PDE4D: variants seen among roughly 807,000 people sequenced by gnomAD.
PDE4D encodes the protein phosphodiesterase 4D.
In PDE4D, 24 loss-of-function variants were observed where a neutral mutation model predicts 87.4. That is an observed-to-expected ratio of 0.27 (90% CI 0.20 to 0.39). The LOEUF (loss-of-function observed/expected upper bound fraction) is 0.39, where lower values mean the gene tolerates loss of function less well. Ranked by LOEUF, PDE4D falls within the 10% of genes least tolerant of loss-of-function variation. The pLI is 1.00. For synonymous variants in PDE4D, 384 were observed against 383.2 expected, an observed-to-expected ratio of 1.00 and a Z score of -0.02; for missense variants, 714 against 1,041.0, an observed-to-expected ratio of 0.69 and a Z score of 4.32.
intron 1 of PDE4D, among the ~76,000 whole-genome samples, chr5:59,444,566 A>G (rs897802240): frequency 6.6e-6 from 1 of 152,134 alleles, no homozygotes; most frequent in Admixed American, 6.5e-5. Flanking sequence ...TAATCTCAGC[A>G]CTTTGGGAGG....
At chr5:60,154,242 T>G (rs1413315735) in intron 2 of PDE4D, among the ~76,000 whole-genome samples, 1 of 151,946 alleles carries the variant, frequency 6.6e-6, no homozygotes, top group Non-Finnish European at 1.5e-5. Context: ...TACCAGGATT[T>G]GGTAAGTTAA....
At chr5:60,401,340 C>G (rs192165922) in intron 1 of PDE4D, among the ~76,000 whole-genome samples, 29 of 152,288 alleles carry the variant, frequency 1.9e-4, no homozygotes, top group African/African-American at 6.0e-4. Flanking sequence ...ATATATAACA[C>G]ACTTCACAAT....
chr5:59,167,490 G>A (rs1444275250), intron 5 of PDE4D, among the ~76,000 whole-genome samples: 1 of 152,116 alleles, frequency 6.6e-6, no homozygotes, highest in African/African-American at 2.4e-5. Context: ...TTTGAAACAT[G>A]TCTTCTTTTA....
At chr5:58,990,929 T>A in intron 8 of PDE4D, 27 bp from the exon 9 acceptor site, 1 of 1,196,712 alleles carries the variant, frequency 8.4e-7, no homozygotes, top group Non-Finnish European at 1.2e-6. Flanking sequence ...AAAAAGATAC[T>A]AAAATATTAG....
At chr5:59,738,227 G>C (rs1168384699) in intron 1 of PDE4D, among the ~76,000 whole-genome samples, 3 of 152,076 alleles carry the variant, frequency 2.0e-5, no homozygotes, top group Non-Finnish European at 2.9e-5. Context: ...AGCAACACAT[G>C]CAACAGCATA....
chr5:59,692,166 A>C (rs1449043140), intron 1 of PDE4D, among the ~76,000 whole-genome samples: 1 of 152,170 alleles, frequency 6.6e-6, no homozygotes, highest in Non-Finnish European at 1.5e-5. Flanking sequence ...TCCATTTTTG[A>C]ATTGATAGTG....
At chr5:60,164,553 G>A (rs866175371) in intron 2 of PDE4D, among the ~76,000 whole-genome samples, 1 of 152,012 alleles carries the variant, frequency 6.6e-6, no homozygotes, top group Non-Finnish European at 1.5e-5. Flanking sequence ...AAATATATGC[G>A]GCTGAATATC....
At chr5:59,266,539 G>C (rs1210676908) in intron 1 of PDE4D, among the ~76,000 whole-genome samples, 1 of 151,888 alleles carries the variant, frequency 6.6e-6, no homozygotes, top group African/African-American at 2.4e-5. Flanking sequence ...CAGAGGAAGA[G>C]AGTCAATAAG....
At chr5:60,023,108 C>T (rs185261828) in intron 2 of PDE4D, among the ~76,000 whole-genome samples, 1 of 152,236 alleles carries the variant, frequency 6.6e-6, no homozygotes, top group Admixed American at 6.5e-5. Context: ...TTTGTACGAC[C>T]TCTCTGTGCC....
intron 1 of PDE4D, among the ~76,000 whole-genome samples, chr5:59,280,830 T>A (rs1017989391): frequency 2.0e-4 from 31 of 152,030 alleles, no homozygotes; most frequent in Non-Finnish European, 4.1e-4. Context: ...TTTTTGCCTC[T>A]TCCAAATGTT....
chr5:59,618,749 ATAG>A (rs914412103), intron 1 of PDE4D, among the ~76,000 whole-genome samples: 1 of 152,084 alleles, frequency 6.6e-6, no homozygotes, highest in African/African-American at 2.4e-5. Context: ...TTGAAATTTA[ATAG>A]TCATTGTAAC....
chr5:60,460,713 G>C (rs1166939076), intron 1 of PDE4D: 24 of 823,142 alleles, frequency 2.9e-5, no homozygotes, highest in Non-Finnish European at 4.8e-5. Context: ...TTTGAGGCAG[G>C]AGTGGAGACT....
intron 1 of PDE4D, among the ~76,000 whole-genome samples, chr5:59,589,639 T>C (rs538938533): frequency 1.1e-4 from 16 of 152,356 alleles, no homozygotes; most frequent in African/African-American, 3.8e-4. Flanking sequence ...TATTCTACTC[T>C]GTTCATATGT....
chr5:60,145,475 C>T (rs756179212), intron 2 of PDE4D, among the ~76,000 whole-genome samples: 8 of 152,334 alleles, frequency 5.3e-5, no homozygotes, highest in Non-Finnish European at 1.2e-4. Context: ...GCTTTCATTG[C>T]AACCCATGGG....
intron 6 of PDE4D, among the ~76,000 whole-genome samples, chr5:59,013,876 A>G (rs1402546162): frequency 1.3e-5 from 2 of 152,196 alleles, no homozygotes; most frequent in African/African-American, 4.8e-5. Context: ...TCCATGATGA[A>G]CATCGATGCA....
At chr5:59,249,747 A>G (rs1759552960) in intron 1 of PDE4D, among the ~76,000 whole-genome samples, 1 of 152,168 alleles carries the variant, frequency 6.6e-6, no homozygotes, top group African/African-American at 2.4e-5. Context: ...AAAAGAATAG[A>G]AGAAAATAAC....
chr5:59,622,744 T>A (rs530218265), intron 1 of PDE4D, among the ~76,000 whole-genome samples: 1 of 152,306 alleles, frequency 6.6e-6, no homozygotes, highest in South Asian at 2.1e-4. Flanking sequence ...ATCAGCCCAA[T>A]TCTCAAACAA....
chr5:59,573,475 G>A (rs934074534), intron 1 of PDE4D, among the ~76,000 whole-genome samples: 1 of 152,080 alleles, frequency 6.6e-6, no homozygotes, highest in Non-Finnish European at 1.5e-5. Flanking sequence ...GTACTGGGGA[G>A]GGATCTGTTT....
chr5:60,038,020 C>G (rs1217749691), intron 2 of PDE4D, among the ~76,000 whole-genome samples: 1 of 152,018 alleles, frequency 6.6e-6, no homozygotes. Flanking sequence ...CTGGTTAAAT[C>G]CATTAAAAAA....
Sources: gnomAD v4.1 joint callset for allele counts (sites outside exome capture counted in the v4.1 genomes callset) on GRCh38, gnomAD v4.1.1 for gene constraint, MANE v1.5 for transcripts, NCBI Gene and HGNC (gene_info 2026-07-23, HGNC 2026-07-21) for gene names.